The following GGACT variants were observed in gnomAD, a reference collection of about 807,000 sequenced individuals.
The protein encoded by GGACT is gamma-glutamylaminecyclotransferase.
For synonymous variants in GGACT, 118 were observed against 115.3 expected, an observed-to-expected ratio of 1.02 and a Z score of -0.15; for missense variants, 241 against 233.2, an observed-to-expected ratio of 1.03 and a Z score of -0.22.
intron 2 of GGACT, among the ~76,000 whole-genome samples, chr13:100,541,228 C>T (rs779029123): frequency 2.0e-5 from 3 of 152,202 alleles, no homozygotes; most frequent in Non-Finnish European, 4.4e-5. Context: ...GCAGGGCCAG[C>T]ATCAGGAAAG....
chr13:100,563,252 T>C (rs2153015427), intron 2 of GGACT, among the ~76,000 whole-genome samples: 1 of 152,098 alleles, frequency 6.6e-6, no homozygotes, highest in Non-Finnish European at 1.5e-5. Context: ...CATCCACTGA[T>C]CCAGAACACC....
At chr13:100,576,708 C>T (rs1457241030) in intron 2 of GGACT, among the ~76,000 whole-genome samples, 4 of 152,108 alleles carry the variant, frequency 2.6e-5, no homozygotes, top group African/African-American at 9.7e-5. Flanking sequence ...CTGGAAAAGG[C>T]ACAACATACG....
At chr13:100,588,686 G>T (rs1378291783) in intron 1 of GGACT, 55 bp downstream of exon 1, 2 of 151,596 alleles carry the variant, frequency 1.3e-5, no homozygotes, top group Non-Finnish European at 1.5e-5. Context: ...AGGACACCCC[G>T]CCTGGGGGGC....
intron 2 of GGACT, among the ~76,000 whole-genome samples, chr13:100,576,839 C>G (rs1875260609): frequency 6.6e-6 from 1 of 152,100 alleles, no homozygotes; most frequent in Non-Finnish European, 1.5e-5. Flanking sequence ...GCTCTGTATA[C>G]CGTTGGTGAT....
Position 100,532,515 on chromosome 13 carries a change from C to A in GGACT, c.77G>T (p.Gly26Val). The change falls in exon 3 of 3, where the codon GGC becomes GTC. Residue 26 changes from glycine to valine, a missense_variant. Gly to Val is a moderately radical substitution (Grantham distance 109). Transcript: ENST00000683975. ...GCCGCGCGCCCGAAAGGCTGCGGAG[C>A]CGTGGGCGCCGTCCCGCAGGACCCT... is the stretch of plus-strand genomic sequence containing the variant. ...NHRVLRDGAH[G>V]SAAFRARGRT... 1.3e-6 allele frequency: 2 copies of A among 1,548,348 alleles called. No homozygotes were observed. Among genetic ancestry groups the A allele is most frequent in the South Asian group, 1.2e-5 (1 of 83,924 alleles).
intron 2 of GGACT, among the ~76,000 whole-genome samples, chr13:100,541,981 T>A (rs1386469578): frequency 6.6e-6 from 1 of 152,186 alleles, no homozygotes; most frequent in Non-Finnish European, 1.5e-5. Flanking sequence ...GCTTCTGTCA[T>A]AAGAAAAACT....
At position 100,530,276 on chromosome 13, in the gene GGACT, T is replaced by TAA. The variant is rs2153011098; in HGVS notation, c.*1853_*1854insTT. 1.1e-6 allele frequency: 1 copy of TAA among 877,674 alleles called. No individual in the cohort carries two copies. The highest frequency in any genetic ancestry group is 1.6e-5 in the African/African-American group (1 of 60,898). The allele number at this position is 877,674 out of a possible 1,614,324, so 54.4% of individuals were successfully genotyped here. On this transcript the variant is annotated 3_prime_UTR_variant, in exon 3 of 3. Coordinates refer to ENST00000683975, the MANE Select transcript of GGACT (RefSeq NM_001195087.2). Reference sequence around the variant, plus strand: ...AGGAACACCCCTGTGCAGCTACGTTTACGTCGTCATTTATTCCACAGAGTC... The same window carrying TAA: ...AGGAACACCCCTGTGCAGCTACGTTTAAACGTCGTCATTTATTCCACAGAGTC...
chr13:100,535,821 C>A (rs952186130), intron 2 of GGACT: 1 of 151,964 alleles, frequency 6.6e-6, no homozygotes, highest in African/African-American at 2.4e-5. Context: ...TTTTGCATTT[C>A]GCTTAGTTTC....
At chr13:100,572,840 C>A (rs1875127509) in intron 2 of GGACT, among the ~76,000 whole-genome samples, 1 of 152,190 alleles carries the variant, frequency 6.6e-6, no homozygotes, top group African/African-American at 2.4e-5. Context: ...CTGCCCAGAG[C>A]TGTAGCTGTA....
At chr13:100,559,808 T>TA (rs1189714378) in intron 2 of GGACT, among the ~76,000 whole-genome samples, 1 of 152,156 alleles carries the variant, frequency 6.6e-6, no homozygotes, top group Non-Finnish European at 1.5e-5. Flanking sequence ...AGGAAAGTCT[T>TA]AAAAAAAGAA....
chr13:100,580,441 G>A (rs574227649), intron 2 of GGACT, among the ~76,000 whole-genome samples: 6 of 152,222 alleles, frequency 3.9e-5, no homozygotes, highest in South Asian at 2.1e-4. Flanking sequence ...GCCTGGAGCC[G>A]CCAGAAGCTG....
chr13:100,581,580 C>T (rs534257795), intron 2 of GGACT, among the ~76,000 whole-genome samples: 57 of 152,358 alleles, frequency 3.7e-4, no homozygotes, highest in African/African-American at 1.2e-3. Context: ...CCCTCCTGCA[C>T]GGAAGAATTC....
chr13:100,580,316 C>T lies in GGACT; in HGVS notation c.-11+3509G>A, dbSNP rs188524162. On this transcript the variant is annotated intron_variant, in intron 2 of 2. Transcript: ENST00000683975. ...ATGAGATCATCCTGGGCAATCTACACGGGCCCTGAATCCAATGGCAAATAT... is the reference window on the plus strand; with the variant it reads ...ATGAGATCATCCTGGGCAATCTACATGGGCCCTGAATCCAATGGCAAATAT... 2.2e-4 allele frequency among the ~76,000 whole-genome samples: 34 copies of T among 152,328 alleles called. No homozygotes were observed. The East Asian group carries it at 4.2e-3, about 19-fold the overall frequency.
At chr13:100,554,300 C>T (rs905337267) in intron 2 of GGACT, among the ~76,000 whole-genome samples, 3 of 152,134 alleles carry the variant, frequency 2.0e-5, no homozygotes, top group Non-Finnish European at 4.4e-5. Flanking sequence ...ATTGAAAAAA[C>T]TCCTATTGCA....
intron 2 of GGACT, among the ~76,000 whole-genome samples, chr13:100,547,790 C>A (rs551621861): frequency 5.3e-5 from 8 of 152,228 alleles, no homozygotes; most frequent in Non-Finnish European, 7.3e-5. Flanking sequence ...ATGAGATGGC[C>A]GTAATCCCTG....
chr13:100,573,853 C>T (rs1390578441), intron 2 of GGACT, among the ~76,000 whole-genome samples: 1 of 146,404 alleles, frequency 6.8e-6, no homozygotes, highest in Non-Finnish European at 1.5e-5. Context: ...GATACCATCT[C>T]ACACCTGTCA....
At chr13:100,538,634 T>C (rs552335854) in intron 2 of GGACT, 21 of 152,358 alleles carry the variant, frequency 1.4e-4, no homozygotes, top group African/African-American at 5.0e-4. Flanking sequence ...CTATGCTATT[T>C]TGATTACAGT....
chr13:100,571,275 C>T (rs1461345875), intron 2 of GGACT, among the ~76,000 whole-genome samples: 1 of 152,200 alleles, frequency 6.6e-6, no homozygotes, highest in Admixed American at 6.5e-5. Flanking sequence ...CAATACATTT[C>T]AGATGAACTC....
intron 2 of GGACT, among the ~76,000 whole-genome samples, chr13:100,569,416 C>T (rs9518095): frequency 0.37 from 56,781 of 152,214 alleles, 11,544 homozygotes; most frequent in Non-Finnish European, 0.46. Context: ...GGGGCTTGTA[C>T]TCTCTGAAGC....
Sources: gnomAD v4.1 joint callset for allele counts (sites outside exome capture counted in the v4.1 genomes callset) on GRCh38, gnomAD v4.1.1 for gene constraint, MANE v1.5 for transcripts, NCBI Gene and HGNC (gene_info 2026-07-23, HGNC 2026-07-21) for gene names.